The following VPS35L variants were observed in gnomAD, a reference collection of about 807,000 sequenced individuals.
VPS35L encodes the protein VPS35 endosomal protein-sorting factor-like.
Under a neutral mutation model 133.0 loss-of-function variants are expected in VPS35L, and 83 were observed. The ratio of observed to expected loss-of-function variants is 0.62; its 90% CI spans 0.52 to 0.75. The LOEUF (loss-of-function observed/expected upper bound fraction) is 0.75. Ranked by LOEUF, VPS35L falls within the 30% of genes least tolerant of loss-of-function variation. VPS35L has a pLI of 0.00. For synonymous variants in VPS35L, 423 were observed against 449.9 expected (o/e 0.94, Z 0.76); for missense variants, 1,083 against 1,206.8 (o/e 0.90, Z 1.52).
chr16:19,610,402 C>T lies in VPS35L; in HGVS notation c.1010C>T (p.Ala337Val), dbSNP rs747551987. 1.3e-5 allele frequency: 21 copies of T among 1,613,702 alleles called. No individual in the cohort carries two copies. The highest frequency in any genetic ancestry group is 1.8e-5 in the Non-Finnish European group (21 of 1,179,892). Residue 337 changes from alanine to valine, a missense_variant, in exon 12 of 31, where the codon GCC (alanine) becomes GTC (valine). Physicochemically the swap from Ala to Val is moderately conservative, Grantham distance 64 (BLOSUM62 0). Transcript: ENST00000417362. ...GDPLVSVYAR[A>V]YLCRVGMEVA... ...CCACTAGTGTCGGTGTATGCCCGTG[C>T]CTACCTGTGCCGGGTAGGCCATGCG...
intron 28 of VPS35L, among the ~76,000 whole-genome samples, chr16:19,685,487 C>T (rs1017854817): frequency 1.2e-4 from 18 of 152,140 alleles, no homozygotes; most frequent in African/African-American, 4.3e-4. Context: ...ATGAGTAATG[C>T]AGCTGTGAAC....
chr16:19,644,799 T>C, intron 22 of VPS35L, 87 bp from the exon 23 acceptor site: 1 of 928,328 alleles, frequency 1.1e-6, no homozygotes, highest in Non-Finnish European at 1.6e-6. Context: ...TTCTTACCTG[T>C]TAAATTACTT....
At chr16:19,574,105 G>A (rs978093289) in intron 4 of VPS35L, among the ~76,000 whole-genome samples, 2 of 152,164 alleles carry the variant, frequency 1.3e-5, no homozygotes, top group Non-Finnish European at 2.9e-5. Flanking sequence ...ACTGGGTTCA[G>A]TTGCTTAGAA....
chr16:19,595,488 C>T (rs1972183914), intron 8 of VPS35L, among the ~76,000 whole-genome samples: 1 of 152,144 alleles, frequency 6.6e-6, no homozygotes, highest in East Asian at 1.9e-4. Context: ...GTCTGGCTCC[C>T]CTGGCAGTCT....
Position 19,669,241 on chromosome 16 carries a change from C to T in VPS35L, c.2303C>T (p.Ser768Leu), listed in dbSNP as rs763941801. 9 of 1,612,980 alleles carry T rather than the reference C, an allele frequency of 5.6e-6. No individual in the cohort carries two copies. The highest frequency in any genetic ancestry group is 1.6e-4 in the Middle Eastern group (1 of 6,082). The change falls in exon 27 of 31, where the codon TCG (serine) becomes TTG (leucine). Residue 768 changes from serine (S) to leucine (L), a missense_variant. Physicochemically the swap from Ser to Leu is moderately radical, Grantham distance 145. Transcript: ENST00000417362. The stretch of plus-strand genomic sequence containing the variant: ...AATATTGATGGGAAGATGCGGCCAT[C>T]GGAATCGTTCCTTCTGGAATTCCTC... ...MINIDGKMRP[S>L]ESFLLEFLCN...
intron 17 of VPS35L, among the ~76,000 whole-genome samples, chr16:19,628,985 T>G (rs1239921715): frequency 2.0e-5 from 3 of 152,128 alleles, no homozygotes; most frequent in Non-Finnish European, 4.4e-5. Flanking sequence ...AGAGACAGGT[T>G]TTCACCATGT....
intron 1 of VPS35L, among the ~76,000 whole-genome samples, chr16:19,556,382 T>TA (rs1455391334): frequency 6.6e-6 from 1 of 152,096 alleles, no homozygotes; most frequent in African/African-American, 2.4e-5. Flanking sequence ...AAATTGGGTC[T>TA]TGGAGGATGA....
intron 28 of VPS35L, among the ~76,000 whole-genome samples, chr16:19,688,744 A>G (rs992000170): frequency 4.6e-5 from 7 of 152,182 alleles, no homozygotes; most frequent in Admixed American, 4.6e-4. Flanking sequence ...ACAAGTCCCC[A>G]TCTGGTAGCT....
chr16:19,615,667 A>C (rs985479968), intron 12 of VPS35L, among the ~76,000 whole-genome samples: 2 of 142,126 alleles, frequency 1.4e-5, no homozygotes, highest in African/African-American at 5.3e-5. Context: ...AACAAAAAAC[A>C]GATAAGGAAA....
rs1973510191 is a variant in VPS35L at position 19,633,123 on chromosome 16, T to C, written c.1586T>C (p.Val529Ala). ...KREVNTVLADVIKHMTPDRAF... is the reference protein window; with the variant it reads ...KREVNTVLADAIKHMTPDRAF... ...GAGGTGAATACCGTTTTGGCAGATGTCATCAAGCACATGACTCCAGATCGT... is the reference window on the plus strand; with the variant it reads ...GAGGTGAATACCGTTTTGGCAGATGCCATCAAGCACATGACTCCAGATCGT... The change falls in exon 19 of 31, where the codon GTC becomes GCC. Residue 529 changes from valine (V) to alanine (A), a missense_variant. Transcript: ENST00000417362. The surrounding 1 kb of genome is among the most constrained non-coding windows in gnomAD (Gnocchi z 4.1). 1 of 1,614,102 alleles carries C rather than the reference T, an allele frequency of 6.2e-7. No individual in the cohort carries two copies. The highest frequency in any genetic ancestry group is 1.3e-5 in the African/African-American group (1 of 74,942).
chr16:19,629,037 A>G (rs982255766), intron 17 of VPS35L, among the ~76,000 whole-genome samples: 6 of 152,152 alleles, frequency 3.9e-5, no homozygotes, highest in African/African-American at 1.4e-4. Context: ...TGGCCTCTCA[A>G]AATGCTGGGA....
chr16:19,616,285 T>G, intron 13 of VPS35L, 94 bp downstream of exon 13: 2 of 1,026,026 alleles, frequency 1.9e-6, no homozygotes, highest in Non-Finnish European at 3.0e-6. Context: ...GAGAATGCCT[T>G]AAAGCTCTTT....
In VPS35L at chr16:19,573,374, C is replaced by T. The variant is rs540247965; in HGVS notation, c.408+133C>T. ...TTTTTCTACTTCTCTTAAAAGCTCA[C>T]ATATAAGGCTTCATGTAGTATGTCA... On this transcript the variant is annotated intron_variant, in intron 4 of 30. Coordinates refer to ENST00000417362, the MANE Select transcript of VPS35L (RefSeq NM_020314.7). The T allele has an allele frequency of 4.9e-6, 5 of 1,028,554 alleles. No homozygotes were observed. In the African/African-American group the frequency reaches 8.1e-5, roughly 17 times the overall value. The allele number at this position is 1,028,554 out of a possible 1,614,324, so 63.7% of individuals were successfully genotyped here.
chr16:19,663,669 C>CTTTTTTTTTTTTT (rs59826351), intron 26 of VPS35L, among the ~76,000 whole-genome samples: 17 of 63,912 alleles, frequency 2.7e-4, no homozygotes, highest in African/African-American at 1.2e-3. Flanking sequence ...GCAGTAATTT[C>CTTTTTTTTTTTTT]TTTTTTTTTT....
chr16:19,622,177 C>T (rs922461345), intron 14 of VPS35L, among the ~76,000 whole-genome samples: 2 of 132,184 alleles, frequency 1.5e-5, no homozygotes, highest in Non-Finnish European at 3.1e-5. Flanking sequence ...CGGAGTCCTG[C>T]TCTGTCACCC....
intron 29 of VPS35L, among the ~76,000 whole-genome samples, chr16:19,693,467 C>T (rs1336648661): frequency 6.6e-6 from 1 of 151,698 alleles, no homozygotes; most frequent in African/African-American, 2.4e-5. Flanking sequence ...ATAGTAAGAT[C>T]CTGTCTCTAT....
chr16:19,565,075 TCA>T (rs1971146383), intron 2 of VPS35L, 125 bp downstream of exon 2: 1 of 603,282 alleles, frequency 1.7e-6, no homozygotes, highest in Non-Finnish European at 2.8e-6. Context: ...TTTTTTTTTT[TCA>T]GAGTCTTGCT....
intron 26 of VPS35L, among the ~76,000 whole-genome samples, chr16:19,662,086 C>T (rs973545048): frequency 6.6e-6 from 1 of 152,066 alleles, no homozygotes; most frequent in Admixed American, 6.5e-5. Context: ...GCCTGTAGTC[C>T]CAGCCACTTG....
intron 9 of VPS35L, among the ~76,000 whole-genome samples, chr16:19,602,026 G>C (rs1427452612): frequency 6.6e-6 from 1 of 150,720 alleles, no homozygotes; most frequent in Non-Finnish European, 1.5e-5. Context: ...TTTTTCCTAT[G>C]TATCGTTCCC....
Sources: allele counts gnomAD v4.1 joint callset (sites outside exome capture counted in the v4.1 genomes callset), GRCh38; gene constraint gnomAD v4.1.1; non-coding constraint Gnocchi (gnomAD v3.1); transcripts MANE v1.5; gene names NCBI Gene and HGNC (gene_info 2026-07-23, HGNC 2026-07-21).